Variants in RALGAPA2 observed in about 807,000 individuals in gnomAD.
RALGAPA2 encodes Ral GTPase activating protein catalytic subunit alpha 2, also known as ral GTPase-activating protein subunit alpha-2.
RALGAPA2 carries 139 observed loss-of-function variants against 230.4 expected under a neutral mutation model. The observed-to-expected ratio is 0.60, with a 90% CI of 0.53 to 0.69. The LOEUF (loss-of-function observed/expected upper bound fraction) is 0.69, where lower values mean the gene tolerates loss of function less well. RALGAPA2 is among the 30% of genes least tolerant of loss of function. The pLI is 0.00. For synonymous variants in RALGAPA2, 847 were observed against 837.8 expected, an observed-to-expected ratio of 1.01 and a Z score of -0.19; for missense variants, 2,163 against 2,276.0, an observed-to-expected ratio of 0.95 and a Z score of 1.01.
chr20:20,700,140 A>T (rs2069288894), intron 1 of RALGAPA2, among the ~76,000 whole-genome samples: 2 of 152,188 alleles, frequency 1.3e-5, no homozygotes, highest in African/African-American at 4.8e-5. Flanking sequence ...AAAAGAATGA[A>T]ATCATGTCTT....
chr20:20,475,775 G>A (rs1235806072), intron 36 of RALGAPA2, among the ~76,000 whole-genome samples: 1 of 152,132 alleles, frequency 6.6e-6, no homozygotes, highest in Non-Finnish European at 1.5e-5. Context: ...AAGAAGGGTA[G>A]GGGAGAAGAG....
chr20:20,463,057 C>A (rs764037868), intron 37 of RALGAPA2, among the ~76,000 whole-genome samples: 12 of 151,856 alleles, frequency 7.9e-5, no homozygotes, highest in Non-Finnish European at 1.6e-4. Flanking sequence ...TCTGTGGGCA[C>A]CAGAAGAGAT....
At chr20:20,480,184 T>G (rs908845162) in intron 36 of RALGAPA2, among the ~76,000 whole-genome samples, 2 of 152,252 alleles carry the variant, frequency 1.3e-5, no homozygotes, top group South Asian at 4.1e-4. Context: ...ATGGCATGTA[T>G]GTATCTTGAC....
chr20:20,689,691 TC>T (rs1265635004), intron 1 of RALGAPA2, among the ~76,000 whole-genome samples: 4 of 152,188 alleles, frequency 2.6e-5, no homozygotes, highest in Admixed American at 2.0e-4. Flanking sequence ...CGCAATTTCC[TC>T]CTCTCAATTA....
chr20:20,547,579 C>T (rs2063808173), intron 23 of RALGAPA2, among the ~76,000 whole-genome samples: 1 of 152,222 alleles, frequency 6.6e-6, no homozygotes. Flanking sequence ...CAGGGGTCCA[C>T]CACTGGACAG....
intron 26 of RALGAPA2, 120 bp from the exon 27 acceptor site, chr20:20,531,915 AT>A: frequency 1.2e-6 from 1 of 827,130 alleles, no homozygotes; most frequent in Non-Finnish European, 1.8e-6. Context: ...TTATAGATCT[AT>A]TAGCAGAATG....
intron 4 of RALGAPA2, among the ~76,000 whole-genome samples, chr20:20,653,224 A>T (rs1297256372): frequency 6.7e-6 from 1 of 149,806 alleles, no homozygotes; most frequent in Non-Finnish European, 1.5e-5. Context: ...AAAAAAAAAA[A>T]ATACACACTA....
At chr20:20,439,462 C>T (rs966031839) in intron 37 of RALGAPA2, among the ~76,000 whole-genome samples, 1 of 152,198 alleles carries the variant, frequency 6.6e-6, no homozygotes, top group African/African-American at 2.4e-5. Context: ...ATCCACTGGC[C>T]TCAGCCTCCC....
At chr20:20,573,134 A>T in intron 20 of RALGAPA2, 66 bp from the exon 21 acceptor site, 1 of 1,312,948 alleles carries the variant, frequency 7.6e-7, no homozygotes, top group East Asian at 2.8e-5. Flanking sequence ...TTTTTTCTTT[A>T]AGGCAAATTA....
chr20:20,590,163 A>G (rs1159458206), intron 17 of RALGAPA2, among the ~76,000 whole-genome samples: 1 of 152,062 alleles, frequency 6.6e-6, no homozygotes, highest in African/African-American at 2.4e-5. Context: ...AATACAATAC[A>G]CTGTTACAAA....
chr20:20,516,775 A>G (rs1371998451), intron 31 of RALGAPA2, among the ~76,000 whole-genome samples: 1 of 152,216 alleles, frequency 6.6e-6, no homozygotes, highest in African/African-American at 2.4e-5. Context: ...GGCTAGACCC[A>G]GAAGAGCAAT....
At chr20:20,615,969 G>T in intron 13 of RALGAPA2, 74 bp downstream of exon 13, 1 of 1,138,454 alleles carries the variant, frequency 8.8e-7, no homozygotes, top group Non-Finnish European at 1.2e-6. Context: ...ATAAATGCAA[G>T]CCTTAACATT....
intron 15 of RALGAPA2, 102 bp from the exon 16 acceptor site, chr20:20,601,948 A>G: frequency 9.3e-7 from 1 of 1,070,820 alleles, no homozygotes. Flanking sequence ...ATATATAATC[A>G]GCAGGTTTCC....
At chr20:20,407,693 G>T (rs563684118) in intron 38 of RALGAPA2, among the ~76,000 whole-genome samples, 30 of 152,312 alleles carry the variant, frequency 2.0e-4, no homozygotes, top group African/African-American at 7.0e-4. Flanking sequence ...AGAGTCTTCT[G>T]GCAAAGGTTC....
At chr20:20,473,242 C>T (rs2061578226) in intron 36 of RALGAPA2, among the ~76,000 whole-genome samples, 1 of 152,172 alleles carries the variant, frequency 6.6e-6, no homozygotes, top group Non-Finnish European at 1.5e-5. Flanking sequence ...AATGGTGTTG[C>T]TCTTAAGTGC....
chr20:20,662,674 A>T (rs976154524), intron 3 of RALGAPA2, among the ~76,000 whole-genome samples: 2 of 152,182 alleles, frequency 1.3e-5, no homozygotes, highest in Non-Finnish European at 2.9e-5. Context: ...AAATAGTCTT[A>T]TTAAGTGCCC....
Position 20,524,669 on chromosome 20 carries a change from T to C in RALGAPA2, c.3763-126A>G, listed in dbSNP as rs1438401971. The stretch of plus-strand genomic sequence containing the variant: ...TGCAGGTGCTAGATAAGTAGGTAAG[T>C]AAATAAATAAATAAATAAGTAGCAT... On this transcript the variant is annotated intron_variant, in intron 29 of 39. Coordinates refer to ENST00000202677, the MANE Select transcript of RALGAPA2 (RefSeq NM_020343.4). 3 of 1,258,796 alleles carry C rather than the reference T, an allele frequency of 2.4e-6. No individual in the cohort carries two copies. In the South Asian group the frequency reaches 4.6e-5, roughly 19 times the overall value. 78.0% of individuals were successfully genotyped at this position (1,258,796 alleles called of 1,614,324 possible). A position where few individuals can be genotyped will look rare whatever the true frequency, so the allele number is the denominator to read the frequency against.
chr20:20,602,006 G>A (rs2065668747), intron 15 of RALGAPA2, among the ~76,000 whole-genome samples, 160 bp from the exon 16 acceptor site: 1 of 152,196 alleles, frequency 6.6e-6, no homozygotes, highest in South Asian at 2.1e-4. Flanking sequence ...TTAGGAAGTT[G>A]CTCATATGTC....
At chr20:20,534,182 T>C (rs936268612) in intron 26 of RALGAPA2, among the ~76,000 whole-genome samples, 2 of 152,164 alleles carry the variant, frequency 1.3e-5, no homozygotes, top group Non-Finnish European at 2.9e-5. Flanking sequence ...CAGTAGCTCA[T>C]GCCTGTAATC....
Sources: gnomAD v4.1 joint callset for allele counts (sites outside exome capture counted in the v4.1 genomes callset) on GRCh38, gnomAD v4.1.1 for gene constraint, MANE v1.5 for transcripts, NCBI Gene and HGNC (gene_info 2026-07-23, HGNC 2026-07-21) for gene names.